CDH18: variants seen among roughly 807,000 people sequenced by gnomAD.
The protein encoded by CDH18 is cadherin 18, also known as cadherin-18.
In CDH18, 31 loss-of-function variants were observed where a neutral mutation model predicts 67.9. The observed-to-expected ratio is 0.46, with a 90% CI of 0.34 to 0.62. The LOEUF is 0.62. CDH18 is among the 20% of genes least tolerant of loss of function. The pLI is 0.01. For missense variants in CDH18, 890 were observed against 975.5 expected, an observed-to-expected ratio of 0.91 and a Z score of 1.17; for synonymous variants, 362 against 347.2, an observed-to-expected ratio of 1.04 and a Z score of -0.48.
Position 19,576,946 on chromosome 5 carries a change from T to G in CDH18, c.1000-5114A>C, listed in dbSNP as rs980886067. ...AAAGATTCTGTCATTTGTAACAACATGTGTGAACGTAGAGAACATTATGTT... is the reference window on the plus strand; with the variant it reads ...AAAGATTCTGTCATTTGTAACAACAGGTGTGAACGTAGAGAACATTATGTT... On this transcript the variant is annotated intron_variant, in intron 7 of 12. Transcript: ENST00000382275. 7.9e-5 allele frequency among the ~76,000 whole-genome samples: 12 copies of G among 152,212 alleles called. 1 individual carries two copies. The highest frequency in any genetic ancestry group is 2.2e-4 in the African/African-American group (9 of 41,456).
At chr5:20,477,940 T>C (rs1192374122) in intron 1 of CDH18, among the ~76,000 whole-genome samples, 1 of 151,974 alleles carries the variant, frequency 6.6e-6, no homozygotes, top group Non-Finnish European at 1.5e-5. Context: ...GGGAACAGAG[T>C]CCTGAGGCCC....
At chr5:20,540,297 CAA>C (rs1756983353) in intron 1 of CDH18, among the ~76,000 whole-genome samples, 1 of 151,738 alleles carries the variant, frequency 6.6e-6, no homozygotes, top group African/African-American at 2.4e-5. Context: ...TACTAAATTT[CAA>C]AAGAAATTTA....
chr5:20,300,388 GC>G (rs1747881058), intron 1 of CDH18, among the ~76,000 whole-genome samples: 1 of 151,298 alleles, frequency 6.6e-6, no homozygotes, highest in African/African-American at 2.4e-5. Context: ...CGTTTTTCCT[GC>G]TGTCTGTCTC....
chr5:20,219,844 C>T (rs1741083157), intron 2 of CDH18, among the ~76,000 whole-genome samples: 2 of 151,678 alleles, frequency 1.3e-5, no homozygotes, highest in Admixed American at 1.3e-4. Context: ...ATAAAAGTCA[C>T]ATATGAGACA....
At chr5:19,746,756 T>C (rs901229150) in intron 4 of CDH18, among the ~76,000 whole-genome samples, 186 bp downstream of exon 4, 1 of 152,202 alleles carries the variant, frequency 6.6e-6, no homozygotes, top group Non-Finnish European at 1.5e-5. Flanking sequence ...TCAATTTCAA[T>C]GAATATAATT....
rs151053150 is a variant in CDH18 at position 20,574,989 on chromosome 5, A to T, written c.-580+473T>A. On this transcript the variant is annotated intron_variant, in intron 1 of 14. Transcript: ENST00000507958. ...ATCTAAAGACAGATTTAGAAAAAAA[A>T]AAACCACTAGCAATCACTGAAAAGC... Among the ~76,000 whole-genome samples, 661 of 152,230 alleles carry T rather than the reference A, an allele frequency of 4.3e-3. 3 individuals carry two copies. Among genetic ancestry groups the T allele is most frequent in the African/African-American group, 0.015 (623 of 41,570 alleles).
Position 19,721,457 on chromosome 5 carries a change from A to G in CDH18, c.533T>C (p.Val178Ala). The G allele has an allele frequency of 6.2e-7, 1 of 1,610,556 alleles. No individual in the cohort carries two copies. The highest frequency in any genetic ancestry group is 1.1e-5 in the South Asian group (1 of 90,738). Residue 178 changes from valine to alanine, a missense_variant, in exon 5 of 13, where the codon GTT (valine) becomes GCT (alanine). Val to Ala is a moderately conservative substitution (Grantham distance 64). Transcript: ENST00000382275. ...VPEMSDMGTS[V>A]LQVTATDADD... ...TGCATCAGTAGCTGTCACCTGTAGAACAGAGGTACCTGTGCATTCAGGAAA... is the reference window on the plus strand; with the variant it reads ...TGCATCAGTAGCTGTCACCTGTAGAGCAGAGGTACCTGTGCATTCAGGAAA...
intron 1 of CDH18, among the ~76,000 whole-genome samples, chr5:20,310,790 G>A (rs921222068): frequency 3.7e-4 from 56 of 152,090 alleles, no homozygotes; most frequent in African/African-American, 1.3e-3. Flanking sequence ...TGTCCACATT[G>A]TTCTTTCTTC....
intron 8 of CDH18, among the ~76,000 whole-genome samples, chr5:19,544,514 A>C (rs1735983223): frequency 6.6e-6 from 1 of 151,870 alleles, no homozygotes; most frequent in Admixed American, 6.6e-5. Flanking sequence ...CAGTTCAACT[A>C]AACCCTTGTT....
chr5:20,411,475 CA>C (rs949441468), intron 1 of CDH18, among the ~76,000 whole-genome samples: 3 of 151,976 alleles, frequency 2.0e-5, no homozygotes, highest in African/African-American at 7.2e-5. Flanking sequence ...TGTAAGAACT[CA>C]AAATGTAAAA....
intron 1 of CDH18, chr5:20,305,536 G>T (rs1736349141): frequency 3.7e-6 from 3 of 820,674 alleles, no homozygotes; most frequent in African/African-American, 1.7e-5. Flanking sequence ...GGGGTCTCGA[G>T]CGGCTGGTGG....
chr5:20,275,351 G>A (rs1343566421), intron 1 of CDH18, among the ~76,000 whole-genome samples: 2 of 152,012 alleles, frequency 1.3e-5, no homozygotes, highest in African/African-American at 4.8e-5. Context: ...GCCACCATAT[G>A]AAGAAGGTCA....
At chr5:19,686,701 A>G (rs1371032021) in intron 5 of CDH18, among the ~76,000 whole-genome samples, 2 of 152,178 alleles carry the variant, frequency 1.3e-5, no homozygotes, top group Non-Finnish European at 2.9e-5. Flanking sequence ...TGTTTTCAGA[A>G]CAAGATTTAC....
chr5:20,124,123 G>A (rs542316043), intron 2 of CDH18, among the ~76,000 whole-genome samples: 26 of 152,244 alleles, frequency 1.7e-4, no homozygotes, highest in African/African-American at 6.0e-4. Flanking sequence ...AGAATACTCA[G>A]TATTACTGAA....
intron 10 of CDH18, among the ~76,000 whole-genome samples, chr5:19,504,647 A>C (rs1018053892): frequency 6.6e-6 from 1 of 152,112 alleles, no homozygotes; most frequent in Non-Finnish European, 1.5e-5. Context: ...TTAAGCAGGC[A>C]TTGCATAGTC....
chr5:19,509,217 A>C (rs1052972153), intron 10 of CDH18, among the ~76,000 whole-genome samples: 3 of 152,048 alleles, frequency 2.0e-5, no homozygotes, highest in African/African-American at 7.2e-5. Context: ...ACGCGTTCTC[A>C]CTTATAAATG....
chr5:19,982,794 C>T (rs1239499212), intron 1 of CDH18, among the ~76,000 whole-genome samples: 1 of 152,044 alleles, frequency 6.6e-6, no homozygotes, highest in South Asian at 2.1e-4. Context: ...CCTGTAATCC[C>T]AGCACTTTGG....
At position 19,738,171 on chromosome 5, in the gene CDH18, A is replaced by T. The variant is rs563176942; in HGVS notation, c.523+8771T>A. On this transcript the variant is annotated intron_variant, in intron 4 of 12. Transcript: ENST00000382275. Reference sequence around the variant, plus strand: ...TTTGTTAGGTGCACATGATACTGAGATTTTTAAAATATATTTTTAAGGGAC... The same window carrying T: ...TTTGTTAGGTGCACATGATACTGAGTTTTTTAAAATATATTTTTAAGGGAC... 2.9e-4 allele frequency among the ~76,000 whole-genome samples: 26 copies of T among 89,868 alleles called. 1 individual carries two copies. In the South Asian group the frequency reaches 0.015, roughly 51 times the overall value. 59.0% of individuals were successfully genotyped at this position (89,868 alleles called of 152,430 possible).
chr5:19,753,733 TC>T (rs1177178632), intron 3 of CDH18, among the ~76,000 whole-genome samples: 1 of 152,154 alleles, frequency 6.6e-6, no homozygotes, highest in Non-Finnish European at 1.5e-5. Context: ...AGACAAAAGC[TC>T]CAGGTATCCT....
Sources: gnomAD v4.1 joint callset for allele counts (sites outside exome capture counted in the v4.1 genomes callset) on GRCh38, gnomAD v4.1.1 for gene constraint, MANE v1.5 for transcripts, NCBI Gene and HGNC (gene_info 2026-07-23, HGNC 2026-07-21) for gene names.